PTPRD: variants seen among roughly 807,000 people sequenced by gnomAD.
The protein encoded by PTPRD is protein tyrosine phosphatase receptor type D.
PTPRD carries 34 observed loss-of-function variants against 214.5 expected under a neutral mutation model. The ratio of observed to expected loss-of-function variants is 0.16; its 90% CI spans 0.12 to 0.21. The LOEUF (loss-of-function observed/expected upper bound fraction) is 0.21. Among genes scored for constraint, PTPRD ranks in the 10% least tolerant of loss-of-function variants. The probability of loss-of-function intolerance (pLI) is 1.00; values close to 1 mark genes in which losing one functional copy is unlikely to be tolerated. For missense variants in PTPRD, 2,545 were observed against 2,398.7 expected, an observed-to-expected ratio of 1.06 and a Z score of -1.27; for synonymous variants, 1,128 against 845.7, an observed-to-expected ratio of 1.33 and a Z score of -5.79.
intron 14 of PTPRD, among the ~76,000 whole-genome samples, chr9:8,555,000 A>T (rs928178735): frequency 2.6e-5 from 4 of 152,038 alleles, no homozygotes; most frequent in East Asian, 1.9e-4. Context: ...TATATATATA[A>T]AAAATTGTTC....
chr9:10,071,153 T>A (rs2098004762), intron 3 of PTPRD, among the ~76,000 whole-genome samples: 1 of 152,018 alleles, frequency 6.6e-6, no homozygotes, highest in Non-Finnish European at 1.5e-5. Context: ...TGATTACAGA[T>A]TGGAAGACTC....
chr9:9,165,469 T>C (rs567970803), intron 10 of PTPRD, among the ~76,000 whole-genome samples: 1 of 152,312 alleles, frequency 6.6e-6, no homozygotes, highest in South Asian at 2.1e-4. Flanking sequence ...AGCCATTTGG[T>C]TGATTTACAG....
chr9:10,318,060 C>G (rs1261964881), intron 3 of PTPRD, among the ~76,000 whole-genome samples: 1 of 151,834 alleles, frequency 6.6e-6, no homozygotes, highest in Admixed American at 6.6e-5. Context: ...GTTTTTTCCC[C>G]TAGTAAATGA....
intron 8 of PTPRD, among the ~76,000 whole-genome samples, chr9:9,409,957 G>A (rs1233434248): frequency 6.6e-6 from 1 of 152,086 alleles, no homozygotes; most frequent in African/African-American, 2.4e-5. Context: ...TGTGTAATAT[G>A]TTGGCCTGTC....
chr9:10,461,471 A>G (rs371131764), intron 2 of PTPRD, among the ~76,000 whole-genome samples: 60 of 152,196 alleles, frequency 3.9e-4, no homozygotes, highest in African/African-American at 1.4e-3. Context: ...TGGATGAAGA[A>G]ACTATCATAG....
chr9:8,469,861 C>G (rs1279700745), intron 31 of PTPRD, among the ~76,000 whole-genome samples: 2 of 152,088 alleles, frequency 1.3e-5, no homozygotes, highest in Non-Finnish European at 2.9e-5. Flanking sequence ...ATAAATCCCG[C>G]TTCTAGAGAT....
At chr9:10,395,766 T>A (rs1051001869) in intron 2 of PTPRD, among the ~76,000 whole-genome samples, 1 of 151,860 alleles carries the variant, frequency 6.6e-6, no homozygotes, top group African/African-American at 2.4e-5. Flanking sequence ...ATCCTAGTTT[T>A]AAATACCTGA....
At chr9:9,530,044 C>T (rs1382216595) in intron 8 of PTPRD, among the ~76,000 whole-genome samples, 2 of 151,992 alleles carry the variant, frequency 1.3e-5, no homozygotes, top group South Asian at 2.1e-4. Context: ...TAAGTACCTA[C>T]ATCAAACAAA....
At chr9:9,146,473 T>A (rs75888312) in intron 10 of PTPRD, among the ~76,000 whole-genome samples, 2 of 152,276 alleles carry the variant, frequency 1.3e-5, no homozygotes, top group East Asian at 1.9e-4. Context: ...GTTATTCTTA[T>A]GTACACTAAA....
At chr9:10,157,549 T>C (rs1343595533) in intron 3 of PTPRD, among the ~76,000 whole-genome samples, 1 of 152,194 alleles carries the variant, frequency 6.6e-6, no homozygotes, top group East Asian at 1.9e-4. Context: ...CCTTTCTCTC[T>C]TACTGCCTTT....
At chr9:8,517,340 G>A (rs2097798131) in intron 21 of PTPRD, among the ~76,000 whole-genome samples, 1 of 152,022 alleles carries the variant, frequency 6.6e-6, no homozygotes, top group Admixed American at 6.6e-5. Context: ...TATCCACTGA[G>A]GCCATACAGA....
intron 6 of PTPRD, among the ~76,000 whole-genome samples, chr9:9,745,837 T>C (rs1474618009): frequency 6.6e-6 from 1 of 152,158 alleles, no homozygotes; most frequent in Non-Finnish European, 1.5e-5. Flanking sequence ...GTAAGGTAGC[T>C]AAATGCTAGA....
chr9:10,598,711 GGT>G (rs34859013), intron 2 of PTPRD, among the ~76,000 whole-genome samples: 1,518 of 137,158 alleles, frequency 0.011, 29 homozygotes, highest in African/African-American at 0.036. Flanking sequence ...TGTGGTGTGT[GGT>G]GTGTGTGTGT....
chr9:8,548,261 G>A (rs931358735), intron 14 of PTPRD, among the ~76,000 whole-genome samples: 1 of 152,182 alleles, frequency 6.6e-6, no homozygotes, highest in African/African-American at 2.4e-5. Flanking sequence ...GGAAGACAGT[G>A]TGCAAGGTCT....
Position 9,601,111 on chromosome 9 carries a change from ATGTG to A in PTPRD, c.-286-26334_-286-26331del, listed in dbSNP as rs140016979. Among the ~76,000 whole-genome samples, 805 of 97,476 alleles carry A rather than the reference ATGTG, an allele frequency of 8.3e-3. 10 individuals carry two copies. The highest frequency in any genetic ancestry group is 0.026 in the Middle Eastern group (5 of 194). 63.9% of individuals were successfully genotyped at this position (97,476 alleles called of 152,430 possible). ...ATACACTGGGAAAAGAGATTAATATATGTGTGTGTGTGTGTGTGTGTGTGTGTGT... is the reference window on the plus strand; with the variant it reads ...ATACACTGGGAAAAGAGATTAATATATGTGTGTGTGTGTGTGTGTGTGTGT... On this transcript the variant is annotated intron_variant, in intron 7 of 45. Transcript: ENST00000381196.
intron 9 of PTPRD, among the ~76,000 whole-genome samples, chr9:9,332,282 G>A (rs939068333): frequency 2.9e-4 from 44 of 151,970 alleles, no homozygotes; most frequent in African/African-American, 1.0e-3. Flanking sequence ...AGAAACAGCA[G>A]GTGAATCATG....
At chr9:10,317,935 G>T (rs1048261587) in intron 3 of PTPRD, among the ~76,000 whole-genome samples, 3 of 151,956 alleles carry the variant, frequency 2.0e-5, no homozygotes, top group Non-Finnish European at 4.4e-5. Flanking sequence ...TTTCACAATA[G>T]ATATGACATT....
At chr9:8,727,216 T>C (rs1188158624) in intron 12 of PTPRD, among the ~76,000 whole-genome samples, 1 of 152,166 alleles carries the variant, frequency 6.6e-6, no homozygotes, top group Non-Finnish European at 1.5e-5. Context: ...CACTTTGGAA[T>C]TGTTTAAAAA....
chr9:8,435,498 C>A (rs977677814), intron 35 of PTPRD, among the ~76,000 whole-genome samples: 9 of 152,090 alleles, frequency 5.9e-5, no homozygotes, highest in African/African-American at 2.2e-4. Flanking sequence ...CCCAGGTACC[C>A]AATAACCTTT....
Sources: allele counts gnomAD v4.1 joint callset (sites outside exome capture counted in the v4.1 genomes callset), GRCh38; gene constraint gnomAD v4.1.1; transcripts MANE v1.5; gene names NCBI Gene and HGNC (gene_info 2026-07-23, HGNC 2026-07-21).